OTUD5: variants seen among roughly 807,000 people sequenced by gnomAD.
OTUD5 encodes OTU domain-containing protein 5.
Under a neutral mutation model 36.3 loss-of-function variants are expected in OTUD5, and 2 were observed. The ratio of observed to expected loss-of-function variants is 0.06; its 90% confidence interval spans 0.02 to 0.17. OTUD5 has a LOEUF of 0.17. OTUD5 is among the 10% of genes least tolerant of loss of function. The pLI, the probability that OTUD5 is intolerant of heterozygous loss-of-function variation, is 1.00. For synonymous variants in OTUD5, 234 were observed against 214.9 expected (o/e 1.09, Z -0.78); for missense variants, 233 against 512.3 (o/e 0.45, Z 5.26).
chrX:48,950,508 G>C (rs1423736439), intron 1 of OTUD5, among the ~76,000 whole-genome samples: 1 of 104,202 alleles, frequency 9.6e-6, no homozygotes, highest in Non-Finnish European at 2.0e-5. Flanking sequence ...CTGGCCTCCA[G>C]AATTGTGACA....
chrX:48,938,771 G>A (rs2063871526), intron 2 of OTUD5, among the ~76,000 whole-genome samples: 2 of 111,566 alleles, frequency 1.8e-5, no homozygotes, highest in African/African-American at 6.5e-5. Context: ...CCTCTTCCCA[G>A]AAGGCTGGCA....
At chrX:48,956,312 CGTGTGT>C (rs200578681) in intron 1 of OTUD5, among the ~76,000 whole-genome samples, 1 of 104,068 alleles carries the variant, frequency 9.6e-6, no homozygotes, top group Non-Finnish European at 2.0e-5. Context: ...TTAAAGGGGG[CGTGTGT>C]GTGTGTGTGT....
intron 2 of OTUD5, 50 bp downstream of exon 2, chrX:48,944,140 C>G: frequency 1.1e-6 from 1 of 920,570 alleles, no homozygotes; most frequent in East Asian, 3.1e-5. Flanking sequence ...ATAACTGGGA[C>G]ACAGCTTAGG....
In OTUD5 at chrX:48,934,660, C is replaced by T. The variant is rs781856860; in HGVS notation, c.911-48G>A. Reference sequence around the variant, plus strand: ...AGCATCCACAGCAGGCCAGGTTGGGCAGGCTCGAATGAGGCACCATCTTTC... The same window carrying T: ...AGCATCCACAGCAGGCCAGGTTGGGTAGGCTCGAATGAGGCACCATCTTTC... On this transcript the variant is annotated intron_variant, in intron 4 of 8. Transcript: ENST00000376488. 4.1e-6 allele frequency: 5 copies of T among 1,205,213 alleles called. No homozygotes were observed. The East Asian group carries it at 1.2e-4, about 29-fold the overall frequency.
chrX:48,937,860 T>C (rs1557050268), intron 2 of OTUD5, among the ~76,000 whole-genome samples: 2 of 111,854 alleles, frequency 1.8e-5, no homozygotes, highest in African/African-American at 6.5e-5. Flanking sequence ...AATGTTGCCA[T>C]AACCACTTAT....
upstream of OTUD5, chrX:48,957,963 G>A: frequency 3.0e-6 from 1 of 336,817 alleles, no homozygotes; most frequent in Non-Finnish European, 3.9e-6. Context: ...GGGGCCCCGG[G>A]GCGCTGCGCA....
upstream of OTUD5, chrX:48,957,682 G>A (rs1437587206): frequency 7.5e-6 from 6 of 794,840 alleles, no homozygotes; most frequent in Non-Finnish European, 7.5e-6. Flanking sequence ...GCGAGACCCG[G>A]ATAAAGGGAT....
chrX:48,927,055 ATTCTT>A (rs1455026826), intron 5 of OTUD5, among the ~76,000 whole-genome samples: 2 of 112,257 alleles, frequency 1.8e-5, no homozygotes, highest in East Asian at 5.5e-4. Context: ...TGTAAAATGT[ATTCTT>A]TTCTTTTTCC....
chrX:48,930,551 C>G (rs2063735434), intron 5 of OTUD5, among the ~76,000 whole-genome samples: 2 of 112,324 alleles, frequency 1.8e-5, no homozygotes. Context: ...GCTCCTTGCT[C>G]TATCAGCTGA....
chrX:48,937,927 G>A (rs2063854511), intron 2 of OTUD5, among the ~76,000 whole-genome samples: 1 of 111,950 alleles, frequency 8.9e-6, no homozygotes, highest in African/African-American at 3.2e-5. Context: ...CCCAAATGCA[G>A]ACCTAGGATG....
intron 5 of OTUD5, 94 bp from the exon 6 acceptor site, chrX:48,926,144 G>GA (rs781830745): frequency 1.0e-4 from 62 of 615,758 alleles, no homozygotes; most frequent in Non-Finnish European, 1.4e-4. Context: ...ACAGGCCCCA[G>GA]AAAAAAAAGG....
At chrX:48,950,234 T>A (rs1473859132) in intron 1 of OTUD5, among the ~76,000 whole-genome samples, 5 of 110,760 alleles carry the variant, frequency 4.5e-5, no homozygotes, top group Non-Finnish European at 9.4e-5. Flanking sequence ...TCTTAGAGTA[T>A]CAGGTAGGAC....
upstream of OTUD5, chrX:48,957,709 G>T (rs1488656189): frequency 3.8e-6 from 3 of 795,791 alleles, no homozygotes; most frequent in Non-Finnish European, 3.0e-6. Flanking sequence ...ACCGGTTCGA[G>T]AACCCTCGGC....
chrX:48,938,362 T>G (rs1302038178), intron 2 of OTUD5, among the ~76,000 whole-genome samples: 1 of 112,034 alleles, frequency 8.9e-6, no homozygotes, highest in African/African-American at 3.2e-5. Flanking sequence ...GAAAAGCATC[T>G]AAGCACAGAG....
At chrX:48,933,416 C>CTTT (rs61012379) in intron 5 of OTUD5, among the ~76,000 whole-genome samples, 2 of 90,716 alleles carry the variant, frequency 2.2e-5, no homozygotes, top group African/African-American at 7.6e-5. Flanking sequence ...ATATTTGTAA[C>CTTT]TTTTTTTTTT....
At chrX:48,950,229 G>A (rs1557053466) in intron 1 of OTUD5, among the ~76,000 whole-genome samples, 1 of 111,031 alleles carries the variant, frequency 9.0e-6, no homozygotes, top group Non-Finnish European at 1.9e-5. Context: ...GGTTATCTTA[G>A]AGTATCAGGT....
At chrX:48,951,361 T>C (rs1215049241) in intron 1 of OTUD5, among the ~76,000 whole-genome samples, 1 of 111,947 alleles carries the variant, frequency 8.9e-6, no homozygotes, top group African/African-American at 3.2e-5. Flanking sequence ...ACGCCTGTAA[T>C]CCCAGCACTT....
Position 48,934,548 on chromosome X carries a change from A to G in OTUD5, c.975T>C (p.His325=). ...NEDEPIRVSY[H]RNIHYNSVVN... Reference sequence around the variant, plus strand: ...CCACTGAATTATAGTGGATATTCCGATGGTAGCTAACACGAATGGGTTCGT... The same window carrying G: ...CCACTGAATTATAGTGGATATTCCGGTGGTAGCTAACACGAATGGGTTCGT... Residue 325 remains histidine (H), a synonymous_variant, in exon 5 of 9, where the codon CAT becomes CAC. Coordinates refer to ENST00000376488, the MANE Select transcript of OTUD5 (RefSeq NM_001136157.2). 2 of 1,208,650 alleles carry G rather than the reference A, an allele frequency of 1.7e-6. No homozygotes were observed. The highest frequency in any genetic ancestry group is 2.2e-6 in the Non-Finnish European group (2 of 892,861).
chrX:48,932,984 T>C (rs1557049174), intron 5 of OTUD5, among the ~76,000 whole-genome samples: 1 of 108,704 alleles, frequency 9.2e-6, no homozygotes, highest in African/African-American at 3.4e-5. Flanking sequence ...AGACCCTGTC[T>C]CTCCACCCGC....
Sources: allele counts gnomAD v4.1 joint callset (sites outside exome capture counted in the v4.1 genomes callset), GRCh38; gene constraint gnomAD v4.1.1; transcripts MANE v1.5; gene names NCBI Gene and HGNC (gene_info 2026-07-23, HGNC 2026-07-21).